RCAN2: variants seen among roughly 807,000 people sequenced by gnomAD.
The protein encoded by RCAN2 is regulator of calcineurin 2, also known as calcipressin-2.
A neutral mutation model predicts 23.6 loss-of-function variants in RCAN2; 9 were observed. That is an observed-to-expected ratio of 0.38 (90% CI 0.23 to 0.67). The LOEUF (loss-of-function observed/expected upper bound fraction) is 0.67. Ranked by LOEUF, RCAN2 falls within the 30% of genes least tolerant of loss-of-function variation. The pLI, the probability that RCAN2 is intolerant of heterozygous loss-of-function variation, is 0.51. For synonymous variants in RCAN2, 109 were observed against 115.7 expected, an observed-to-expected ratio of 0.94 and a Z score of 0.37; for missense variants, 273 against 302.3, an observed-to-expected ratio of 0.90 and a Z score of 0.72.
intron 2 of RCAN2, among the ~76,000 whole-genome samples, chr6:46,330,662 T>C (rs1420776195): frequency 6.6e-6 from 1 of 152,186 alleles, no homozygotes; most frequent in Non-Finnish European, 1.5e-5. Flanking sequence ...TCTTCCTTCT[T>C]TCCTCTTTAA....
intron 2 of RCAN2, among the ~76,000 whole-genome samples, chr6:46,309,388 T>C (rs151233564): frequency 6.6e-6 from 1 of 152,294 alleles, no homozygotes; most frequent in Non-Finnish European, 1.5e-5. Context: ...GAGAGAGGGG[T>C]TAAAAAAAGG....
chr6:46,402,052 G>A (rs1035932581), intron 2 of RCAN2, among the ~76,000 whole-genome samples: 1 of 152,080 alleles, frequency 6.6e-6, no homozygotes, highest in Admixed American at 6.5e-5. Flanking sequence ...AAATACAGAA[G>A]ACATAAAAAA....
intron 2 of RCAN2, among the ~76,000 whole-genome samples, chr6:46,304,373 T>C (rs544616187): frequency 3.3e-5 from 5 of 152,274 alleles, no homozygotes; most frequent in African/African-American, 9.6e-5. Flanking sequence ...ACTGTAGCTT[T>C]CCTTTTTATT....
Position 46,297,027 on chromosome 6 carries a change from T to A in RCAN2, c.226-48131A>T, listed in dbSNP as rs139471375. ...CATTTTCTTTCCTAACAGTACAAAC[T>A]CTTCTAAAATGTTTTTCCTCACTTC... On this transcript the variant is annotated intron_variant, in intron 2 of 4. Transcript: ENST00000371374. Among the ~76,000 whole-genome samples the A allele has an allele frequency of 2.8e-3, 431 of 152,194 alleles. 3 individuals are homozygous for A. Among genetic ancestry groups the A allele is most frequent in the African/African-American group, 9.9e-3 (410 of 41,528 alleles).
In RCAN2 at chr6:46,222,972, G is replaced by T; in HGVS notation, c.*169C>A. 1 of 667,236 alleles carries T rather than the reference G, an allele frequency of 1.5e-6. No individual in the cohort carries two copies. The allele number at this position is 667,236 out of a possible 1,614,324, so 41.3% of individuals were successfully genotyped here. ...ATACTTAATGGGTATGATATGATCA[G>T]GAGACATATCACCTTTTCCTAGCCC... On this transcript the variant is annotated 3_prime_UTR_variant, in exon 5 of 5. Transcript: ENST00000371374.
At chr6:46,251,022 C>A (rs1238480080) in intron 2 of RCAN2, among the ~76,000 whole-genome samples, 1 of 151,860 alleles carries the variant, frequency 6.6e-6, no homozygotes, top group South Asian at 2.1e-4. Flanking sequence ...AGTCCAAGGA[C>A]CCCAAAGAAT....
At chr6:46,481,363 G>C (rs1272992747) in intron 1 of RCAN2, among the ~76,000 whole-genome samples, 1 of 152,190 alleles carries the variant, frequency 6.6e-6, no homozygotes, top group Non-Finnish European at 1.5e-5. Flanking sequence ...GTTCAACAAA[G>C]AGTGATAGCT....
rs1243727440 is a variant in RCAN2 at position 46,401,586 on chromosome 6, C to A, written c.225+55166G>T. Among the ~76,000 whole-genome samples, 6 of 152,160 alleles carry A rather than the reference C, an allele frequency of 3.9e-5. No homozygotes were observed. In the East Asian group the frequency reaches 1.2e-3, roughly 29 times the overall value. ...ATAATAATGGGGACTGACCATGCTGCCCCTCAATTTCAGTGTACTCAGGTC... is the reference window on the plus strand; with the variant it reads ...ATAATAATGGGGACTGACCATGCTGACCCTCAATTTCAGTGTACTCAGGTC... On this transcript the variant is annotated intron_variant, in intron 2 of 4. Transcript: ENST00000371374.
chr6:46,436,213 A>G (rs765111246), intron 2 of RCAN2, among the ~76,000 whole-genome samples: 1 of 152,176 alleles, frequency 6.6e-6, no homozygotes, highest in Non-Finnish European at 1.5e-5. Flanking sequence ...AAGAGTCCCA[A>G]CAGGTTTCTT....
chr6:46,305,636 C>T (rs1867014), intron 2 of RCAN2, among the ~76,000 whole-genome samples: 119,749 of 151,888 alleles, frequency 0.79, 47,524 homozygotes, highest in Non-Finnish European at 0.83. Flanking sequence ...CTAGAAAAGG[C>T]ATAATTATAT....
intron 2 of RCAN2, among the ~76,000 whole-genome samples, chr6:46,345,007 C>T (rs1025697917): frequency 7.0e-6 from 1 of 143,448 alleles, no homozygotes; most frequent in Non-Finnish European, 1.6e-5. Context: ...CATGTGATAT[C>T]TATTTAAATA....
intron 2 of RCAN2, among the ~76,000 whole-genome samples, chr6:46,388,279 A>G (rs907626847): frequency 6.6e-6 from 1 of 151,782 alleles, no homozygotes; most frequent in African/African-American, 2.4e-5. Context: ...AATAAAATAA[A>G]TAAATTTTAA....
intron 2 of RCAN2, among the ~76,000 whole-genome samples, chr6:46,383,516 T>A (rs2150394612): frequency 6.6e-6 from 1 of 152,300 alleles, no homozygotes; most frequent in South Asian, 2.1e-4. Context: ...ATCTGGATAG[T>A]CTCAGCTTCT....
At chr6:46,235,367 A>G (rs1562095929) in intron 4 of RCAN2, among the ~76,000 whole-genome samples, 2 of 152,198 alleles carry the variant, frequency 1.3e-5, no homozygotes, top group Non-Finnish European at 2.9e-5. Flanking sequence ...ATACAGCCAC[A>G]TCTAACAGGC....
intron 2 of RCAN2, among the ~76,000 whole-genome samples, chr6:46,431,797 T>G (rs780434222): frequency 3.3e-5 from 5 of 152,242 alleles, no homozygotes; most frequent in Non-Finnish European, 5.9e-5. Flanking sequence ...CAGTATATTA[T>G]CTGACGATTA....
At position 46,333,117 on chromosome 6, in the gene RCAN2, G is replaced by A. The variant is rs150123956; in HGVS notation, c.226-84221C>T. ...CTGCCTAAATGTCTTCTTTTGAGAA[G>A]TGTCTGTTCATGTCCTGTGCCCACT... On this transcript the variant is annotated intron_variant, in intron 2 of 4. Transcript: ENST00000371374. Among the ~76,000 whole-genome samples the A allele has an allele frequency of 7.0e-3, 1,070 of 152,212 alleles. 9 individuals carry two copies. The highest frequency in any genetic ancestry group is 0.024 in the African/African-American group (1,015 of 41,544).
At chr6:46,240,458 T>C (rs1034889108) in intron 4 of RCAN2, among the ~76,000 whole-genome samples, 5 of 152,194 alleles carry the variant, frequency 3.3e-5, no homozygotes, top group Non-Finnish European at 7.3e-5. Flanking sequence ...AAAAACCTTT[T>C]TTTTCCAGGG....
intron 2 of RCAN2, among the ~76,000 whole-genome samples, chr6:46,379,662 C>T (rs1386808067): frequency 1.3e-5 from 2 of 152,126 alleles, no homozygotes; most frequent in East Asian, 3.9e-4. Flanking sequence ...AAGCCTGATT[C>T]ATTATTAAAT....
At chr6:46,415,953 A>G (rs141999534) in intron 2 of RCAN2, among the ~76,000 whole-genome samples, 1 of 152,230 alleles carries the variant, frequency 6.6e-6, no homozygotes, top group East Asian at 1.9e-4. Context: ...ATTTAAATCA[A>G]CTGTAGATTA....
Sources: allele counts gnomAD v4.1 joint callset (sites outside exome capture counted in the v4.1 genomes callset), GRCh38; gene constraint gnomAD v4.1.1; transcripts MANE v1.5; gene names NCBI Gene and HGNC (gene_info 2026-07-23, HGNC 2026-07-21).